The following GPR158 variants were observed in gnomAD, a reference collection of about 807,000 sequenced individuals.
GPR158 encodes G protein-coupled receptor 158.
Under a neutral mutation model 78.2 loss-of-function variants are expected in GPR158, and 30 were observed. The observed-to-expected ratio is 0.38, with a 90% CI of 0.29 to 0.52. The LOEUF (loss-of-function observed/expected upper bound fraction) is 0.52. Among genes scored for constraint, GPR158 ranks in the 20% least tolerant of loss-of-function variants. The pLI is 0.83. For synonymous variants in GPR158, 581 were observed against 591.1 expected (o/e 0.98, Z 0.25); for missense variants, 1,463 against 1,523.5 (o/e 0.96, Z 0.66).
At chr10:25,389,078 C>G (rs543404917) in intron 2 of GPR158, among the ~76,000 whole-genome samples, 1 of 152,344 alleles carries the variant, frequency 6.6e-6, no homozygotes, top group African/African-American at 2.4e-5. Flanking sequence ...TTGGCACAAA[C>G]AGCCTGGGTG....
chr10:25,212,311 C>A (rs1853142479), intron 1 of GPR158, among the ~76,000 whole-genome samples: 1 of 152,110 alleles, frequency 6.6e-6, no homozygotes, highest in Admixed American at 6.6e-5. Context: ...GAGCAGGCGT[C>A]TTACATGGGA....
chr10:25,548,893 C>T lies in GPR158; in HGVS notation c.1405-2083C>T, dbSNP rs531413254. 3.9e-5 allele frequency among the ~76,000 whole-genome samples: 6 copies of T among 152,202 alleles called. No individual in the cohort carries two copies. The South Asian group carries it at 1.2e-3, about 32-fold the overall frequency. On this transcript the variant is annotated intron_variant, in intron 5 of 10. Transcript: ENST00000376351. ...CAATCTTTCACTTATATTAACAAGT[C>T]CTGAACTTCTTTATCTGTGAAATAA...
chr10:25,380,496 A>G (rs1259752234), intron 2 of GPR158, among the ~76,000 whole-genome samples: 4 of 152,136 alleles, frequency 2.6e-5, no homozygotes, highest in African/African-American at 9.7e-5. Flanking sequence ...TTTTAGTATT[A>G]CAATTAGTAA....
intron 5 of GPR158, among the ~76,000 whole-genome samples, chr10:25,497,775 A>G (rs1835902471): frequency 6.6e-6 from 1 of 152,224 alleles, no homozygotes; most frequent in East Asian, 1.9e-4. Flanking sequence ...GTAGAATTAA[A>G]TTTTTATGTG....
intron 5 of GPR158, among the ~76,000 whole-genome samples, chr10:25,544,201 C>T (rs1300694813): frequency 6.6e-6 from 1 of 152,142 alleles, no homozygotes; most frequent in Non-Finnish European, 1.5e-5. Context: ...GAGTGGTATG[C>T]TTTACTCCTG....
chr10:25,246,399 C>G (rs372174588), intron 2 of GPR158, among the ~76,000 whole-genome samples: 2 of 152,074 alleles, frequency 1.3e-5, no homozygotes, highest in Non-Finnish European at 2.9e-5. Flanking sequence ...ACATGCTTTT[C>G]CCCCCTAAAA....
intron 6 of GPR158, among the ~76,000 whole-genome samples, chr10:25,552,568 A>G (rs538443026): frequency 3.9e-5 from 6 of 152,292 alleles, no homozygotes; most frequent in African/African-American, 1.2e-4. Context: ...ACTTTCATTT[A>G]CTTTCTCCTT....
At chr10:25,178,477 T>A (rs1852570806) in intron 1 of GPR158, among the ~76,000 whole-genome samples, 1 of 152,218 alleles carries the variant, frequency 6.6e-6, no homozygotes, top group South Asian at 2.1e-4. Flanking sequence ...CTCAGTGCCT[T>A]CTGGCAGCCA....
At chr10:25,321,995 C>T (rs1854955345) in intron 2 of GPR158, among the ~76,000 whole-genome samples, 1 of 152,084 alleles carries the variant, frequency 6.6e-6, no homozygotes, top group Admixed American at 6.6e-5. Context: ...ACTAAAATAA[C>T]TGAAATCTTT....
chr10:25,458,560 T>G (rs1835320076), intron 4 of GPR158, among the ~76,000 whole-genome samples: 2 of 152,166 alleles, frequency 1.3e-5, no homozygotes, highest in Non-Finnish European at 2.9e-5. Flanking sequence ...TATCTGTACT[T>G]GAAAGATTCA....
chr10:25,347,472 A>T (rs772943042), intron 2 of GPR158, among the ~76,000 whole-genome samples: 58 of 152,100 alleles, frequency 3.8e-4, no homozygotes, highest in Non-Finnish European at 7.5e-4. Flanking sequence ...ACAGATTAGG[A>T]TGTGGCCATC....
At chr10:25,461,627 CAGA>C (rs1313593733) in intron 4 of GPR158, among the ~76,000 whole-genome samples, 1 of 152,012 alleles carries the variant, frequency 6.6e-6, no homozygotes, top group East Asian at 1.9e-4. Context: ...GCACGTCACT[CAGA>C]AGATCTAGCT....
intron 5 of GPR158, among the ~76,000 whole-genome samples, chr10:25,536,141 G>A (rs1332795429): frequency 6.6e-6 from 1 of 152,006 alleles, no homozygotes; most frequent in East Asian, 1.9e-4. Flanking sequence ...CTTTCCACCT[G>A]ACTAGTAGGT....
At chr10:25,417,154 G>A (rs1015349536) in intron 4 of GPR158, among the ~76,000 whole-genome samples, 8 of 152,170 alleles carry the variant, frequency 5.3e-5, no homozygotes, top group Non-Finnish European at 1.2e-4. Flanking sequence ...GTAGACAATA[G>A]TGTAAAATGT....
In GPR158 at chr10:25,594,306, CAAG is replaced by C; in HGVS notation, c.1909_1911del (p.Arg637del). On this transcript the variant is annotated inframe_deletion, in exon 9 of 11. Coordinates refer to ENST00000376351, the MANE Select transcript of GPR158 (RefSeq NM_020752.3). ...TCTCATTTCAGATTTGTTCTTGCCTCAAGACTTCAGTCTGATTGGATGTTGATG... is the reference window on the plus strand; with the variant it reads ...TCTCATTTCAGATTTGTTCTTGCCTCACTTCAGTCTGATTGGATGTTGATG... 1 of 1,554,336 alleles carries C rather than the reference CAAG, an allele frequency of 6.4e-7. No individual in the cohort carries two copies. Among genetic ancestry groups the C allele is most frequent in the Non-Finnish European group, 8.9e-7 (1 of 1,126,610 alleles).
chr10:25,383,680 A>C (rs772095339), intron 2 of GPR158, among the ~76,000 whole-genome samples: 9 of 152,216 alleles, frequency 5.9e-5, no homozygotes, highest in Non-Finnish European at 1.0e-4. Context: ...CAAATTAATA[A>C]TCTTCCCTTA....
At chr10:25,530,716 A>T (rs534597470) in intron 5 of GPR158, among the ~76,000 whole-genome samples, 2 of 152,346 alleles carry the variant, frequency 1.3e-5, no homozygotes, top group Admixed American at 6.5e-5. Context: ...ACCAATTTTG[A>T]TGCAATAAGA....
chr10:25,463,283 T>G (rs1429826770), intron 4 of GPR158, among the ~76,000 whole-genome samples: 1 of 152,216 alleles, frequency 6.6e-6, no homozygotes, highest in African/African-American at 2.4e-5. Context: ...ATAGTGTAAA[T>G]TTAACTTTTA....
chr10:25,497,837 G>A (rs1443606685), intron 5 of GPR158, among the ~76,000 whole-genome samples: 1 of 152,256 alleles, frequency 6.6e-6, no homozygotes, highest in East Asian at 1.9e-4. Flanking sequence ...TTGTTGAACA[G>A]TATTATGGAG....
Sources: allele counts gnomAD v4.1 joint callset (sites outside exome capture counted in the v4.1 genomes callset), GRCh38; gene constraint gnomAD v4.1.1; transcripts MANE v1.5; gene names NCBI Gene and HGNC (gene_info 2026-07-23, HGNC 2026-07-21).